Variants in MMP26 observed in about 807,000 individuals in gnomAD.
MMP26 encodes matrix metalloproteinase-26.
A neutral mutation model predicts 31.0 loss-of-function variants in MMP26; 33 were observed. The ratio of observed to expected loss-of-function variants is 1.06; its 90% CI spans 0.81 to 1.42. MMP26 has a LOEUF of 1.42. MMP26 is among the 40% of genes most tolerant of loss of function. MMP26 has a pLI of 0.00. For missense variants in MMP26, 347 were observed against 316.1 expected, an observed-to-expected ratio of 1.10 and a Z score of -0.74; for synonymous variants, 122 against 114.9, an observed-to-expected ratio of 1.06 and a Z score of -0.40.
At position 4,946,726 on chromosome 11, in the gene MMP26, G is replaced by A. The variant is rs780158359; in HGVS notation, c.-144-41342G>A. The A allele has an allele frequency of 8.8e-6, 14 of 1,589,488 alleles. No individual in the cohort carries two copies. In the East Asian group the frequency reaches 2.9e-4, roughly 33 times the overall value. On this transcript the variant is annotated intron_variant, in intron 2 of 7. Coordinates refer to ENST00000380390, the MANE Select transcript of MMP26 (RefSeq NM_021801.5). ...ATCTCAGAGGGTTGTGGATGGCTAG[G>A]AATCTATCAAATGACATGATCAGGA...
chr11:4,915,451 C>T (rs1778749081), intron 2 of MMP26: 2 of 1,613,932 alleles, frequency 1.2e-6, no homozygotes, highest in Admixed American at 1.7e-5. Flanking sequence ...CAATCAGAGC[C>T]AGCATGGACA....
intron 2 of MMP26, among the ~76,000 whole-genome samples, chr11:4,951,568 C>T (rs1345570149): frequency 8.1e-6 from 1 of 124,030 alleles, no homozygotes; most frequent in Non-Finnish European, 1.8e-5. Flanking sequence ...TGTTAGGTTT[C>T]TTAAAAAATA....
intron 2 of MMP26, among the ~76,000 whole-genome samples, chr11:4,898,831 CTGTGTGTGTGTGTGTGTGTGTG>C (rs1157500335): frequency 1.1e-5 from 1 of 94,156 alleles, no homozygotes; most frequent in African/African-American, 4.1e-5. Context: ...CTCTCTCTCT[CTGTGTGTGTGTGTGTGTGTGTG>C]TGTGTGTGTG....
intron 1 of MMP26, chr11:4,709,945 T>C (rs1342097771): frequency 2.2e-6 from 1 of 456,884 alleles, no homozygotes; most frequent in Non-Finnish European, 4.4e-6. Context: ...GACCGCTTTA[T>C]TGCCGTCTGT....
chr11:4,878,905 T>C (rs1850420880), intron 2 of MMP26, among the ~76,000 whole-genome samples: 1 of 152,074 alleles, frequency 6.6e-6, no homozygotes, highest in African/African-American at 2.4e-5. Context: ...GTGTGACTCA[T>C]ACGTATATAG....
chr11:4,868,033 A>G (rs1322413852), intron 2 of MMP26, among the ~76,000 whole-genome samples: 1 of 152,204 alleles, frequency 6.6e-6, no homozygotes, highest in Non-Finnish European at 1.5e-5. Flanking sequence ...AAAATGTGGT[A>G]TAGATATACC....
At chr11:4,933,490 GA>G (rs1851380884) in intron 2 of MMP26, among the ~76,000 whole-genome samples, 1 of 147,426 alleles carries the variant, frequency 6.8e-6, no homozygotes, top group African/African-American at 2.5e-5. Context: ...CAGAAAGATT[GA>G]TTTTTTTTTT....
intron 1 of MMP26, among the ~76,000 whole-genome samples, chr11:4,747,550 T>G (rs1481646381): frequency 6.6e-6 from 1 of 152,166 alleles, no homozygotes; most frequent in East Asian, 1.9e-4. Flanking sequence ...ATGTTGGCCT[T>G]TTCTAAAATA....
At chr11:4,809,846 A>T (rs1168008879) in intron 2 of MMP26, among the ~76,000 whole-genome samples, 1 of 151,980 alleles carries the variant, frequency 6.6e-6, no homozygotes, top group African/African-American at 2.4e-5. Context: ...GAGCTCTATG[A>T]CTCCTAATGC....
chr11:4,942,839 C>T (rs1846234295), intron 2 of MMP26: 1 of 152,112 alleles, frequency 6.6e-6, no homozygotes, highest in South Asian at 2.1e-4. Context: ...TATGGGGACT[C>T]AAATTCTCAA....
chr11:4,791,234 C>T (rs919155766), intron 2 of MMP26, among the ~76,000 whole-genome samples: 8 of 152,158 alleles, frequency 5.3e-5, no homozygotes, highest in Non-Finnish European at 8.8e-5. Flanking sequence ...TTAATAGTTG[C>T]GGCTATGAAC....
chr11:4,907,973 A>G, intron 2 of MMP26: 1 of 1,614,148 alleles, frequency 6.2e-7, no homozygotes, highest in Non-Finnish European at 8.5e-7. Context: ...TGGCTTCTTC[A>G]TTGCTCTCTG....
rs190403536 is a variant in MMP26 at position 4,952,317 on chromosome 11, C to T, written c.-144-35751C>T. Among the ~76,000 whole-genome samples the T allele has an allele frequency of 4.0e-5, 5 of 125,006 alleles. 2 individuals carry two copies. In the Admixed American group the frequency reaches 4.4e-4, roughly 11 times the overall value. The allele number at this position is 125,006 out of a possible 152,430, so 82.0% of individuals were successfully genotyped here. On this transcript the variant is annotated intron_variant, in intron 2 of 7. Coordinates refer to ENST00000380390, the MANE Select transcript of MMP26 (RefSeq NM_021801.5). Reference sequence around the variant, plus strand: ...GCTTATTAAAGCCAACTAATTGCTCCTCATCTTGTTAGTGGAAATGAAGTC... The same window carrying T: ...GCTTATTAAAGCCAACTAATTGCTCTTCATCTTGTTAGTGGAAATGAAGTC...
chr11:4,750,649 T>C (rs1277688401), intron 1 of MMP26, among the ~76,000 whole-genome samples: 1 of 152,032 alleles, frequency 6.6e-6, no homozygotes, highest in Non-Finnish European at 1.5e-5. Flanking sequence ...GGACATTATC[T>C]TAAATGAAAT....
At chr11:4,896,356 C>G (rs16906999) in intron 2 of MMP26, among the ~76,000 whole-genome samples, 35,932 of 151,956 alleles carry the variant, frequency 0.24, 4,896 homozygotes, top group East Asian at 0.53. Flanking sequence ...TCTGAGTTTT[C>G]CTCTCATGGG....
In MMP26 at chr11:4,767,226, GAATAGTAAAATTGTCATATAATATTTC is replaced by G. The variant is rs1370223473; in HGVS notation, c.-216-43_-216-17del. 2 of 152,086 alleles carry G rather than the reference GAATAGTAAAATTGTCATATAATATTTC, an allele frequency of 1.3e-5. No individual in the cohort carries two copies. Among genetic ancestry groups the G allele is most frequent in the African/African-American group, 2.4e-5 (1 of 41,428 alleles). 9.4% of individuals were successfully genotyped at this position (152,086 alleles called of 1,614,324 possible). The stretch of plus-strand genomic sequence containing the variant: ...AAAACTCAGAAGATAATTCTTCCAT[GAATAGTAAAATTGTCATATAATATTTC>G]TTCCATTTTTCCACAGAGTTTCTTA... On this transcript the variant is annotated splice_polypyrimidine_tract_variant and intron_variant, in intron 1 of 7. Transcript: ENST00000380390.
At chr11:4,915,492 G>C (rs143406644) in intron 2 of MMP26, 1 of 1,614,124 alleles carries the variant, frequency 6.2e-7, no homozygotes, top group Non-Finnish European at 8.5e-7. Context: ...TGAAGTGAGC[G>C]CTCTGTTTTA....
chr11:4,933,000 C>T (rs945423016), intron 2 of MMP26, among the ~76,000 whole-genome samples: 1 of 152,104 alleles, frequency 6.6e-6, no homozygotes, highest in Admixed American at 6.6e-5. Flanking sequence ...CAAACAATGA[C>T]ATGAATGAGT....
intron 6 of MMP26, 123 bp downstream of exon 6, chr11:4,991,619 G>T: frequency 8.1e-7 from 1 of 1,235,038 alleles, no homozygotes; most frequent in South Asian, 1.6e-5. Flanking sequence ...GAGGAATCAG[G>T]TCTTCTTTAT....
Sources: allele counts gnomAD v4.1 joint callset (sites outside exome capture counted in the v4.1 genomes callset), GRCh38; gene constraint gnomAD v4.1.1; transcripts MANE v1.5; gene names NCBI Gene and HGNC (gene_info 2026-07-23, HGNC 2026-07-21).